The following BTBD7 variants were observed in gnomAD, a reference collection of about 807,000 sequenced individuals.
BTBD7 encodes the protein BTB domain containing 7.
BTBD7 carries 38 observed loss-of-function variants against 99.9 expected under a neutral mutation model. The observed-to-expected ratio is 0.38, with a 90% CI of 0.29 to 0.50. The LOEUF is 0.50. Among genes scored for constraint, BTBD7 ranks in the 20% least tolerant of loss-of-function variants. The pLI is 0.93. For missense variants in BTBD7, 1,170 were observed against 1,394.6 expected (o/e 0.84, Z 2.57); for synonymous variants, 520 against 511.4 (o/e 1.02, Z -0.23).
intron 10 of BTBD7, 47 bp from the exon 11 acceptor site, chr14:93,243,135 T>C: frequency 6.7e-7 from 1 of 1,485,684 alleles, no homozygotes; most frequent in South Asian, 1.2e-5. Flanking sequence ...AAAGGACCCA[T>C]CCTCTGTAGA....
chr14:93,242,302 C>T lies in BTBD7; in HGVS notation c.3370G>A (p.Asp1124Asn). ...SRGRRSPSKP[D>N]FLYKKSAL ...AGGGCAGACTTTTTGTAGAGGAAGT[C>T]CGGCTTGCTTGGTGACCTCCTTCCT... The change falls in exon 11 of 11, where the codon GAC (aspartate) becomes AAC (asparagine). Residue 1124 changes from aspartate to asparagine, a missense_variant. Transcript: ENST00000334746. 1 of 1,613,918 alleles carries T rather than the reference C, an allele frequency of 6.2e-7. No homozygotes were observed. The highest frequency in any genetic ancestry group is 2.2e-5 in the East Asian group (1 of 44,886).
intron 1 of BTBD7, among the ~76,000 whole-genome samples, chr14:93,318,411 TG>T (rs751856215): frequency 1.1e-4 from 16 of 152,232 alleles, no homozygotes; most frequent in Non-Finnish European, 2.1e-4. Context: ...TTTAAAATAA[TG>T]TTTTTTTAAG....
chr14:93,327,973 C>T (rs2053352770), intron 1 of BTBD7, among the ~76,000 whole-genome samples: 1 of 152,106 alleles, frequency 6.6e-6, no homozygotes, highest in African/African-American at 2.4e-5. Flanking sequence ...CATTCTTAAA[C>T]ATTAACAATG....
intron 6 of BTBD7, chr14:93,256,423 AT>A (rs59328285): frequency 0.021 from 3,080 of 146,630 alleles, 103 homozygotes; most frequent in African/African-American, 0.071. Flanking sequence ...AATTCTATTA[AT>A]TTTTTTTTTT....
At chr14:93,248,811 C>G (rs1313059788) in intron 8 of BTBD7, among the ~76,000 whole-genome samples, 157 bp from the exon 9 acceptor site, 2 of 152,152 alleles carry the variant, frequency 1.3e-5, no homozygotes, top group Non-Finnish European at 2.9e-5. Context: ...TTATATATCT[C>G]TAATTATTTT....
intron 1 of BTBD7, among the ~76,000 whole-genome samples, chr14:93,316,950 A>G (rs1341246022): frequency 2.0e-5 from 3 of 152,234 alleles, no homozygotes; most frequent in Non-Finnish European, 2.9e-5. Context: ...TCACCAAGTC[A>G]TGCACATTCC....
In BTBD7 at chr14:93,332,960, C is replaced by G. The variant is rs2053474519; in HGVS notation, c.-247G>C. ...CCCACCGCCGCCGCCGCCGCCCTCT[C>G]CTCTCCTGTCAGTGGCTCAGGCTCC... On this transcript the variant is annotated 5_prime_UTR_variant, in exon 1 of 11. Transcript: ENST00000334746. The G allele has an allele frequency of 2.9e-6, 2 of 696,150 alleles. No homozygotes were observed. Among genetic ancestry groups the G allele is most frequent in the Non-Finnish European group, 4.4e-6 (2 of 455,444 alleles). The allele number at this position is 696,150 out of a possible 1,614,324, so 43.1% of individuals were successfully genotyped here. A position where few individuals can be genotyped will look rare whatever the true frequency, so the allele number is the denominator to read the frequency against.
chr14:93,298,348 T>C (rs753577952), intron 1 of BTBD7, among the ~76,000 whole-genome samples: 8 of 152,192 alleles, frequency 5.3e-5, no homozygotes, highest in Non-Finnish European at 1.2e-4. Context: ...CAAAATCCAA[T>C]ACTTTTTGAG....
rs542438871 is a variant in BTBD7 at position 93,240,384 on chromosome 14, A to G, written c.*1889T>C. 1 of 152,772 alleles carries G rather than the reference A, an allele frequency of 6.5e-6. No individual in the cohort carries two copies. Among genetic ancestry groups the G allele is most frequent in the South Asian group, 2.1e-4 (1 of 4,830 alleles). The allele number at this position is 152,772 out of a possible 1,614,324, so 9.5% of individuals were successfully genotyped here. ...GTATATCCACAGGGTAAAGGAGGAA[A>G]AGACCGTAAGAGAAACTATAGTTTT... On this transcript the variant is annotated 3_prime_UTR_variant, in exon 11 of 11. Coordinates refer to ENST00000334746, the MANE Select transcript of BTBD7 (RefSeq NM_001002860.4).
chr14:93,296,362 T>C (rs2052926910), intron 1 of BTBD7, among the ~76,000 whole-genome samples: 1 of 152,230 alleles, frequency 6.6e-6, no homozygotes, highest in Non-Finnish European at 1.5e-5. Context: ...GTACCAATTA[T>C]ATACTTTCTA....
chr14:93,238,566 C>T lies in BTBD7; in HGVS notation c.*3707G>A, dbSNP rs927706838. On this transcript the variant is annotated 3_prime_UTR_variant, in exon 11 of 11. Coordinates refer to ENST00000334746, the MANE Select transcript of BTBD7 (RefSeq NM_001002860.4). ...GAAAAAAAGTCAAAGAAGCATTTCC[C>T]TTTGAATTCAGTCCTAAAAATATGA... is the stretch of plus-strand genomic sequence containing the variant. The T allele has an allele frequency of 2.5e-4, 38 of 152,434 alleles. No individual in the cohort carries two copies. Among genetic ancestry groups the T allele is most frequent in the African/African-American group, 8.9e-4 (37 of 41,440 alleles). The allele number at this position is 152,434 out of a possible 1,614,324, so 9.4% of individuals were successfully genotyped here.
At chr14:93,272,307 G>C (rs1423374753) in intron 3 of BTBD7, among the ~76,000 whole-genome samples, 1 of 152,162 alleles carries the variant, frequency 6.6e-6, no homozygotes, top group Non-Finnish European at 1.5e-5. Context: ...CCTACATCCT[G>C]TGAGTCTTAT....
chr14:93,300,739 TGTGTGTGTGTGTG>T (rs1566857007), intron 1 of BTBD7, among the ~76,000 whole-genome samples: 1 of 87,336 alleles, frequency 1.1e-5, no homozygotes, highest in East Asian at 3.2e-4. Context: ...TGTGTGTGTG[TGTGTGTGTGTGTG>T]TGTGTGTGTG....
chr14:93,266,174 T>A (rs915624880), intron 3 of BTBD7, among the ~76,000 whole-genome samples: 2 of 152,152 alleles, frequency 1.3e-5, no homozygotes, highest in Non-Finnish European at 2.9e-5. Flanking sequence ...GGGTTTTTTT[T>A]TTTCACTGAA....
intron 3 of BTBD7, among the ~76,000 whole-genome samples, chr14:93,272,384 C>T (rs768732340): frequency 1.3e-5 from 2 of 152,214 alleles, no homozygotes; most frequent in Non-Finnish European, 2.9e-5. Context: ...AGAAATGTGT[C>T]TACACAGTAC....
At chr14:93,280,188 G>A (rs2052702590) in intron 3 of BTBD7, among the ~76,000 whole-genome samples, 1 of 152,190 alleles carries the variant, frequency 6.6e-6, no homozygotes. Flanking sequence ...AACTAATCAT[G>A]CAGTTTAGCT....
At chr14:93,265,425 A>G (rs1566841461) in intron 3 of BTBD7, among the ~76,000 whole-genome samples, 3 of 152,264 alleles carry the variant, frequency 2.0e-5, no homozygotes, top group Non-Finnish European at 4.4e-5. Flanking sequence ...AGGGACGGCT[A>G]TCTTCAATGT....
At position 93,242,135 on chromosome 14, in the gene BTBD7, T is replaced by C. The variant is rs1438922498; in HGVS notation, c.*138A>G. On this transcript the variant is annotated 3_prime_UTR_variant, in exon 11 of 11. Coordinates refer to ENST00000334746, the MANE Select transcript of BTBD7 (RefSeq NM_001002860.4). Reference sequence around the variant, plus strand: ...TAGCATGCCATGTCTAATAAACACATATATACACAAAAACTAGAACAAAAT... The same window carrying C: ...TAGCATGCCATGTCTAATAAACACACATATACACAAAAACTAGAACAAAAT... 6.8e-6 allele frequency: 5 copies of C among 738,550 alleles called. No homozygotes were observed. The highest frequency in any genetic ancestry group is 8.8e-6 in the Non-Finnish European group (4 of 455,296). 45.7% of individuals were successfully genotyped at this position (738,550 alleles called of 1,614,324 possible).
At position 93,243,063 on chromosome 14, in the gene BTBD7, A is replaced by T. The variant is rs1045670393; in HGVS notation, c.2609T>A (p.Leu870Gln). ...QVRTQPVLND[L>Q]MPDIAVGVST... ...CACACCCACCGCGATGTCTGGCATCAGATCATTCAGCACAGGTTGTGTTCG... is the reference window on the plus strand; with the variant it reads ...CACACCCACCGCGATGTCTGGCATCTGATCATTCAGCACAGGTTGTGTTCG... Residue 870 changes from leucine to glutamine, a missense_variant, in exon 11 of 11, where the codon CTG (leucine) becomes CAG (glutamine). Coordinates refer to ENST00000334746, the MANE Select transcript of BTBD7 (RefSeq NM_001002860.4). 6.2e-7 allele frequency: 1 copy of T among 1,614,078 alleles called. No individual in the cohort carries two copies. The highest frequency in any genetic ancestry group is 1.3e-5 in the African/African-American group (1 of 75,050).
Sources: allele counts gnomAD v4.1 joint callset (sites outside exome capture counted in the v4.1 genomes callset), GRCh38; gene constraint gnomAD v4.1.1; transcripts MANE v1.5; gene names NCBI Gene and HGNC (gene_info 2026-07-23, HGNC 2026-07-21).